GRB14: variants seen among roughly 807,000 people sequenced by gnomAD.
GRB14 encodes growth factor receptor bound protein 14.
In GRB14, 38 loss-of-function variants were observed where a neutral mutation model predicts 69.1. The observed-to-expected ratio is 0.55, with a 90% confidence interval of 0.42 to 0.72. The LOEUF (loss-of-function observed/expected upper bound fraction) is 0.72. Ranked by LOEUF, GRB14 falls within the 30% of genes least tolerant of loss-of-function variation. The pLI is 0.00. For missense variants in GRB14, 666 were observed against 666.1 expected (o/e 1.00, Z 0.00); for synonymous variants, 247 against 241.3 (o/e 1.02, Z -0.22).
intron 2 of GRB14, among the ~76,000 whole-genome samples, chr2:164,613,273 C>CT (rs1320778985): frequency 2.6e-5 from 4 of 152,094 alleles, no homozygotes; most frequent in South Asian, 2.1e-4. Flanking sequence ...TGTTTGAGAT[C>CT]TTTTTTTTCC....
At chr2:164,549,263 T>C (rs1294377036) in intron 2 of GRB14, among the ~76,000 whole-genome samples, 1 of 152,244 alleles carries the variant, frequency 6.6e-6, no homozygotes, top group Admixed American at 6.5e-5. Context: ...TTAACCCTTA[T>C]AATTACATGT....
chr2:164,567,078 C>T (rs1484093179), intron 2 of GRB14, among the ~76,000 whole-genome samples: 2 of 152,100 alleles, frequency 1.3e-5, no homozygotes, highest in Non-Finnish European at 2.9e-5. Context: ...TTTTCACATC[C>T]TCAGTGAGTC....
intron 5 of GRB14, 122 bp from the exon 6 acceptor site, chr2:164,522,239 C>T (rs1305062487): frequency 1.9e-5 from 12 of 635,058 alleles, no homozygotes; most frequent in Non-Finnish European, 3.3e-5. Flanking sequence ...TAACATATAA[C>T]ATTATGGTAA....
chr2:164,608,043 T>C (rs1690080907), intron 2 of GRB14, among the ~76,000 whole-genome samples: 1 of 152,188 alleles, frequency 6.6e-6, no homozygotes, highest in Non-Finnish European at 1.5e-5. Context: ...TTATATTTTA[T>C]CAAATAAAGC....
At chr2:164,515,674 T>C (rs1289735841) in intron 6 of GRB14, among the ~76,000 whole-genome samples, 1 of 151,982 alleles carries the variant, frequency 6.6e-6, no homozygotes, top group Admixed American at 6.6e-5. Flanking sequence ...CCCTAAAAGA[T>C]GACACTAGCT....
At position 164,578,528 on chromosome 2, in the gene GRB14, A is replaced by G. The variant is rs1382663895; in HGVS notation, c.325-30712T>C. ...ACGAAAAGACAATTCGCGCGCACAC[A>G]CACACACACACACACACACACACAA... On this transcript the variant is annotated intron_variant, in intron 2 of 13. Coordinates refer to ENST00000263915, the MANE Select transcript of GRB14 (RefSeq NM_004490.3). 6.8e-3 allele frequency among the ~76,000 whole-genome samples: 1,029 copies of G among 151,678 alleles called. 9 individuals are homozygous for G. Among genetic ancestry groups the G allele is most frequent in the African/African-American group, 0.024 (989 of 41,330 alleles).
At chr2:164,601,888 T>G (rs778688810) in intron 2 of GRB14, among the ~76,000 whole-genome samples, 15 of 151,896 alleles carry the variant, frequency 9.9e-5, no homozygotes, top group Non-Finnish European at 2.2e-4. Flanking sequence ...TTTGTTTAAT[T>G]ATTATAATTT....
At chr2:164,578,197 C>T (rs765134251) in intron 2 of GRB14, among the ~76,000 whole-genome samples, 1 of 151,824 alleles carries the variant, frequency 6.6e-6, no homozygotes, top group African/African-American at 2.4e-5. Flanking sequence ...CGTGCCACTG[C>T]ACTCCAGCCT....
At chr2:164,571,297 CTT>C (rs1407224409) in intron 2 of GRB14, among the ~76,000 whole-genome samples, 2 of 152,170 alleles carry the variant, frequency 1.3e-5, no homozygotes, top group Non-Finnish European at 2.9e-5. Context: ...ATGACCAAAA[CTT>C]TCAGAACTGC....
chr2:164,539,209 T>C (rs1439344786), intron 3 of GRB14, among the ~76,000 whole-genome samples: 1 of 152,172 alleles, frequency 6.6e-6, no homozygotes, highest in Non-Finnish European at 1.5e-5. Context: ...GCGTGGTGGC[T>C]CACGCCTGTA....
intron 2 of GRB14, among the ~76,000 whole-genome samples, chr2:164,610,739 A>T (rs1320289442): frequency 6.6e-6 from 1 of 151,928 alleles, no homozygotes; most frequent in Non-Finnish European, 1.5e-5. Context: ...ATAACCCAAG[A>T]ACAATAAAGC....
intron 2 of GRB14, among the ~76,000 whole-genome samples, chr2:164,569,639 A>G (rs536993173): frequency 1.1e-4 from 17 of 152,210 alleles, no homozygotes; most frequent in Admixed American, 5.2e-4. Flanking sequence ...TGCTTTATAC[A>G]TAAGTGAGTT....
At chr2:164,497,725 T>C (rs1686940836) in intron 9 of GRB14, among the ~76,000 whole-genome samples, 2 of 152,186 alleles carry the variant, frequency 1.3e-5, no homozygotes, top group East Asian at 3.8e-4. Context: ...AGTAATTTGT[T>C]AAGGTAATTG....
At chr2:164,497,796 T>C (rs564700918) in intron 9 of GRB14, among the ~76,000 whole-genome samples, 1 of 152,334 alleles carries the variant, frequency 6.6e-6, no homozygotes, top group South Asian at 2.1e-4. Flanking sequence ...AACAAACTTA[T>C]CTTTTCACGT....
chr2:164,566,849 T>A (rs1021901068), intron 2 of GRB14, among the ~76,000 whole-genome samples: 1 of 152,264 alleles, frequency 6.6e-6, no homozygotes, highest in South Asian at 2.1e-4. Context: ...CAGTTTGTTA[T>A]ACAGATGAGG....
chr2:164,591,897 T>C (rs1349937043), intron 2 of GRB14, among the ~76,000 whole-genome samples: 1 of 152,092 alleles, frequency 6.6e-6, no homozygotes, highest in Non-Finnish European at 1.5e-5. Flanking sequence ...GATAATTGAA[T>C]CATGGGGGCA....
intron 6 of GRB14, among the ~76,000 whole-genome samples, chr2:164,516,812 G>A (rs980128176): frequency 1.4e-4 from 21 of 152,180 alleles, no homozygotes; most frequent in Admixed American, 1.3e-3. Context: ...TCACTTGAGG[G>A]CAGAATTTCG....
At chr2:164,613,315 GCCT>G (rs891113517) in intron 2 of GRB14, among the ~76,000 whole-genome samples, 2 of 151,948 alleles carry the variant, frequency 1.3e-5, no homozygotes, top group Non-Finnish European at 2.9e-5. Flanking sequence ...AGGACATAGT[GCCT>G]CCATATGCCA....
chr2:164,507,034 A>G (rs549928591), intron 8 of GRB14, among the ~76,000 whole-genome samples: 106 of 152,310 alleles, frequency 7.0e-4, no homozygotes, highest in Non-Finnish European at 1.3e-3. Context: ...AACTGAATGC[A>G]CTAAACGCCA....
Sources: gnomAD v4.1 joint callset for allele counts (sites outside exome capture counted in the v4.1 genomes callset) on GRCh38, gnomAD v4.1.1 for gene constraint, MANE v1.5 for transcripts, NCBI Gene and HGNC (gene_info 2026-07-23, HGNC 2026-07-21) for gene names.